ASB14: variants seen among roughly 807,000 people sequenced by gnomAD.
ASB14 encodes the protein ankyrin repeat and SOCS box protein 14.
A neutral mutation model predicts 55.6 loss-of-function variants in ASB14; 63 were observed. The observed-to-expected ratio is 1.13, with a 90% confidence interval of 0.92 to 1.40. The LOEUF (loss-of-function observed/expected upper bound fraction) is 1.40, where lower values mean the gene tolerates loss of function less well. Among genes scored for constraint, ASB14 ranks in the 40% most tolerant of loss-of-function variants. The pLI, the probability that ASB14 is intolerant of heterozygous loss-of-function variation, is 0.00. For missense variants in ASB14, 724 were observed against 710.4 expected (o/e 1.02, Z -0.22); for synonymous variants, 256 against 259.9 (o/e 0.98, Z 0.15).
At position 57,268,378 on chromosome 3, in the gene ASB14, T is replaced by A. The variant is rs2060909352; in HGVS notation, c.*1263A>T. 5.3e-6 allele frequency: 8 copies of A among 1,511,156 alleles called. No individual in the cohort carries two copies. The highest frequency in any genetic ancestry group is 2.0e-5 in the Admixed American group (1 of 50,106). The allele number at this position is 1,511,156 out of a possible 1,614,324, so 93.6% of individuals were successfully genotyped here. ...GTTATTTCATATTTAATTCATTAGT[T>A]TTATTCATCTGTTCTTTAGGATCGT... On this transcript the variant is annotated 3_prime_UTR_variant, in exon 11 of 11. Transcript: ENST00000487349.
At chr3:57,290,858 TTAAA>T (rs1205759063) in intron 2 of ASB14, among the ~76,000 whole-genome samples, 1 of 152,172 alleles carries the variant, frequency 6.6e-6, no homozygotes, top group Non-Finnish European at 1.5e-5. Context: ...TTACAAAACT[TTAAA>T]TATTTAAAGA....
Position 57,288,154 on chromosome 3 carries a change from C to T in ASB14, c.310+1G>A. ...ATCAAGAAGAATCAAAGGGAATTTA[C>T]CGCTTAGGGTTATTTCCAAAATTTT... On this transcript the variant is annotated splice_donor_variant, in intron 4 of 10. Coordinates refer to ENST00000487349, the MANE Select transcript of ASB14 (RefSeq NM_001142733.3). LOFTEE classifies it high-confidence loss of function. 1 of 1,536,846 alleles carries T rather than the reference C, an allele frequency of 6.5e-7. No homozygotes were observed. Among genetic ancestry groups the T allele is most frequent in the Middle Eastern group, 1.7e-4 (1 of 5,984 alleles).
chr3:57,287,514 G>A (rs530881991), intron 5 of ASB14, among the ~76,000 whole-genome samples: 2 of 152,302 alleles, frequency 1.3e-5, no homozygotes, highest in South Asian at 4.1e-4. Context: ...AAACCTCCAG[G>A]ATTCTGCTGG....
chr3:57,278,037 A>C, intron 8 of ASB14, 117 bp from the exon 9 acceptor site: 1 of 916,450 alleles, frequency 1.1e-6, no homozygotes, highest in Non-Finnish European at 1.6e-6. Context: ...AAAATGTCTC[A>C]AAAATGGGAA....
chr3:57,277,626 A>G (rs1013662892), intron 9 of ASB14, 141 bp downstream of exon 9: 3 of 732,740 alleles, frequency 4.1e-6, no homozygotes, highest in Non-Finnish European at 6.4e-6. Flanking sequence ...AGTTAGTAAC[A>G]TTTTTAAAGA....
At position 57,291,965 on chromosome 3, in the gene ASB14, A is replaced by C. The variant is rs1028943484; in HGVS notation, c.69T>G (p.Ser23Arg). Residue 23 changes from serine (S) to arginine (R), a missense_variant, in exon 2 of 11, where the codon AGT becomes AGG. Physicochemically the swap from Ser to Arg is moderately radical, Grantham distance 110. Coordinates refer to ENST00000487349, the MANE Select transcript of ASB14 (RefSeq NM_001142733.3). ...DFDTQLIIQQSLQDIYKPGTA... is the reference protein window; with the variant it reads ...DFDTQLIIQQRLQDIYKPGTA... ...TTCCTGGCTTATAAATATCCTGCAA[A>C]CTCTGTTGAATGATGAGCTGGGTGT... The C allele has an allele frequency of 3.3e-6, 5 of 1,536,078 alleles. No individual in the cohort carries two copies. The African/African-American group carries it at 6.9e-5, about 21-fold the overall frequency.
chr3:57,277,699 C>G (rs1379610318), intron 9 of ASB14, 68 bp downstream of exon 9: 4 of 1,413,450 alleles, frequency 2.8e-6, no homozygotes, highest in African/African-American at 1.4e-5. Context: ...TGTTCTAATT[C>G]TAAAACAACC....
intron 2 of ASB14, 138 bp downstream of exon 2, chr3:57,291,774 A>G (rs2061132359): frequency 1.5e-6 from 1 of 671,514 alleles, no homozygotes; most frequent in Non-Finnish European, 2.3e-6. Context: ...TAGGCATAAT[A>G]TCTTACAGAT....
At position 57,287,956 on chromosome 3, in the gene ASB14, G is replaced by A. The variant is rs1023604908; in HGVS notation, c.414C>T (p.Leu138=). 2.0e-6 allele frequency: 3 copies of A among 1,537,286 alleles called. No homozygotes were observed. The highest frequency in any genetic ancestry group is 1.7e-6 in the Non-Finnish European group (2 of 1,146,914). Residue 138 remains leucine, a synonymous_variant, in exon 5 of 11, where the codon CTC becomes CTT. Coordinates refer to ENST00000487349, the MANE Select transcript of ASB14 (RefSeq NM_001142733.3). ...CLLENATFLL[L]NGCNPNAKNF... The stretch of plus-strand genomic sequence containing the variant: ...TCTTAGCATTTGGATTGCAGCCATT[G>A]AGAAGAAGAAAAGTGGCATTTTCTA...
At chr3:57,274,029 CACTT>C (rs201332496) in intron 10 of ASB14, among the ~76,000 whole-genome samples, 2,567 of 152,042 alleles carry the variant, frequency 0.017, 50 homozygotes, top group African/African-American at 0.047. Flanking sequence ...ATCTACCACT[CACTT>C]ACCAGTTTGA....
chr3:57,275,611 T>G (rs1038546807), intron 10 of ASB14, among the ~76,000 whole-genome samples: 44 of 152,172 alleles, frequency 2.9e-4, no homozygotes, highest in African/African-American at 1.1e-3. Flanking sequence ...GTATCCACAC[T>G]GTAGGGCATG....
Position 57,278,364 on chromosome 3 carries a change from A to G in ASB14, c.1431+13T>C. On this transcript the variant is annotated intron_variant, in intron 8 of 10. Coordinates refer to ENST00000487349, the MANE Select transcript of ASB14 (RefSeq NM_001142733.3). ...ATGACTGTAAGGGAATACAGCCAATACTGTGGACTTACCTTAGTATCTTTG... is the reference window on the plus strand; with the variant it reads ...ATGACTGTAAGGGAATACAGCCAATGCTGTGGACTTACCTTAGTATCTTTG... 1 of 1,600,874 alleles carries G rather than the reference A, an allele frequency of 6.2e-7. No homozygotes were observed. The highest frequency in any genetic ancestry group is 2.2e-5 in the East Asian group (1 of 44,766).
At position 57,278,473 on chromosome 3, in the gene ASB14, A is replaced by T; in HGVS notation, c.1335T>A (p.Tyr445Ter). Residue 445 changes from tyrosine (Y) to a stop codon, truncating the protein, a stop_gained, in exon 8 of 11, where the codon TAT becomes TAA. Coordinates refer to ENST00000487349, the MANE Select transcript of ASB14 (RefSeq NM_001142733.3). LOFTEE classifies it high-confidence loss of function. ...VMLRMLLNYG[Y>*]DTERCFDCPH... ...GGCAATCAAAACATCGCTCTGTGTCATACCCATAGTTCAGCAGCATCCTGA... is the reference window on the plus strand; with the variant it reads ...GGCAATCAAAACATCGCTCTGTGTCTTACCCATAGTTCAGCAGCATCCTGA... 6.2e-7 allele frequency: 1 copy of T among 1,614,234 alleles called. No individual in the cohort carries two copies. The highest frequency in any genetic ancestry group is 1.1e-5 in the South Asian group (1 of 91,088).
chr3:57,277,339 G>T (rs2060998349), intron 9 of ASB14, among the ~76,000 whole-genome samples: 1 of 152,016 alleles, frequency 6.6e-6, no homozygotes, highest in South Asian at 2.1e-4. Context: ...CACCCAAAGG[G>T]AAATAACATG....
chr3:57,285,050 C>T (rs2061071135), intron 5 of ASB14, among the ~76,000 whole-genome samples: 1 of 150,064 alleles, frequency 6.7e-6, no homozygotes, highest in African/African-American at 2.5e-5. Flanking sequence ...AAGCGATTCT[C>T]CTGCCTCAGC....
At position 57,280,458 on chromosome 3, in the gene ASB14, C is replaced by A; in HGVS notation, c.731G>T (p.Gly244Val). 6.4e-7 allele frequency: 1 copy of A among 1,550,640 alleles called. No homozygotes were observed. The highest frequency in any genetic ancestry group is 2.4e-5 in the East Asian group (1 of 40,910). ...MLLRKGANAH[G>V]QASDSSSILL... ...GATGGAAGAAGAATCAGAGGCCTGA[C>A]CATGAGCATTAGCTCCTAAGAGGAG... The change falls in exon 7 of 11, where the codon GGT becomes GTT. Residue 244 changes from glycine (G) to valine (V), a missense_variant. By Grantham distance (109) the Gly-to-Val change is moderately radical. Transcript: ENST00000487349.
chr3:57,269,800 C>T (rs928739477), intron 10 of ASB14, 182 bp from the exon 11 acceptor site: 2 of 1,226,076 alleles, frequency 1.6e-6, no homozygotes, highest in African/African-American at 1.5e-5. Flanking sequence ...TTTATATTTG[C>T]TTATTTGTTG....
chr3:57,289,738 A>C (rs1369429653), intron 2 of ASB14, among the ~76,000 whole-genome samples: 1 of 129,808 alleles, frequency 7.7e-6, no homozygotes, highest in Non-Finnish European at 1.5e-5. Flanking sequence ...TGTCGCCCAG[A>C]CTGGAGTGCA....
At chr3:57,292,351 ACT>A (rs1443701591) in intron 1 of ASB14, among the ~76,000 whole-genome samples, 1 of 152,108 alleles carries the variant, frequency 6.6e-6, no homozygotes, top group Non-Finnish European at 1.5e-5. Flanking sequence ...CACTGACAAC[ACT>A]CTGATCTGTT....
Sources: gnomAD v4.1 joint callset for allele counts (sites outside exome capture counted in the v4.1 genomes callset) on GRCh38, gnomAD v4.1.1 for gene constraint, MANE v1.5 for transcripts, NCBI Gene and HGNC (gene_info 2026-07-23, HGNC 2026-07-21) for gene names.